PDE4DIP: variants seen among roughly 807,000 people sequenced by gnomAD.
The protein encoded by PDE4DIP is phosphodiesterase 4D interacting protein.
Under a neutral mutation model 221.4 loss-of-function variants are expected in PDE4DIP, and 59 were observed. The observed-to-expected ratio is 0.27, with a 90% CI of 0.22 to 0.33. The LOEUF is 0.33. Among genes scored for constraint, PDE4DIP ranks in the 10% least tolerant of loss-of-function variants. The pLI is 1.00. For missense variants in PDE4DIP, 1,036 were observed against 2,154.2 expected (o/e 0.48, Z 10.28); for synonymous variants, 404 against 815.9 (o/e 0.50, Z 8.60).
intron 1 of PDE4DIP, among the ~76,000 whole-genome samples, chr1:148,923,429 G>A (rs2045940547): frequency 6.7e-6 from 1 of 148,994 alleles, no homozygotes; most frequent in Admixed American, 6.7e-5. Flanking sequence ...AGAGGTGAGA[G>A]ACACTGCGAG....
At chr1:149,016,379 T>C (rs782212961) in exon 33 of PDE4DIP, 15 of 1,244,966 alleles carry the variant, frequency 1.2e-5, no homozygotes, top group Non-Finnish European at 1.6e-5. Flanking sequence ...CTACCTCAAC[T>C]CTGCCCAGCC....
intron 42 of PDE4DIP, 145 bp from the exon 46 acceptor site, chr1:149,030,087 G>C: frequency 1.0e-6 from 1 of 997,534 alleles, no homozygotes. Context: ...TGGCTGCAGA[G>C]GGAGGGGAGG....
intron 21 of PDE4DIP, chr1:148,985,903 T>C (rs1274797516): frequency 3.9e-5 from 6 of 152,216 alleles, no homozygotes; most frequent in African/African-American, 1.2e-4. Flanking sequence ...TTTTAGTATA[T>C]AACATGAATA....
chr1:148,952,384 C>T (rs1165744637), intron 5 of PDE4DIP: 7 of 1,078,212 alleles, frequency 6.5e-6, no homozygotes, highest in African/African-American at 1.6e-5. Context: ...GATCCTCCAT[C>T]CCCGAGGCTT....
At chr1:148,997,993 C>G (rs587611659) in intron 22 of PDE4DIP, 150 bp from the exon 26 acceptor site, 3 of 492,250 alleles carry the variant, frequency 6.1e-6, no homozygotes, top group African/African-American at 3.9e-5. Context: ...GGCCCTTATG[C>G]CTGACTAAGG....
At chr1:148,870,853 C>T (rs2442647) in intron 3 of PDE4DIP, among the ~76,000 whole-genome samples, 4 of 146,168 alleles carry the variant, frequency 2.7e-5, no homozygotes, top group Middle Eastern at 3.6e-3. Context: ...CATTCCTATG[C>T]CCTACCCTAA....
chr1:148,983,265 A>G (rs1309151417), intron 21 of PDE4DIP: 1 of 152,114 alleles, frequency 6.6e-6, no homozygotes, highest in Non-Finnish European at 1.5e-5. Flanking sequence ...ATCTTTCCTT[A>G]ATTTTACTAA....
At chr1:148,963,748 C>CTTTTTTTTTTTTTTTTTT (rs66921099) in intron 9 of PDE4DIP, among the ~76,000 whole-genome samples, 4 of 89,162 alleles carry the variant, frequency 4.5e-5, no homozygotes, top group African/African-American at 4.7e-5. Flanking sequence ...TTCTTTCCTT[C>CTTTTTTTTTTTTTTTTTT]TTTTTTTTTT....
At chr1:148,859,642 G>C (rs1553398647) in intron 1 of PDE4DIP, among the ~76,000 whole-genome samples, 1 of 149,296 alleles carries the variant, frequency 6.7e-6, no homozygotes, top group Non-Finnish European at 1.5e-5. Flanking sequence ...AAGTGGCCTG[G>C]CGAACCACAT....
chr1:149,032,443 C>T (rs1316619994), exon 44 of PDE4DIP: 4 of 419,608 alleles, frequency 9.5e-6, no homozygotes, highest in Non-Finnish European at 1.8e-5. Flanking sequence ...AAGCACACTA[C>T]TGAGCAGCGG....
chr1:149,030,668 C>G (rs373434464), intron 43 of PDE4DIP: 2 of 861,162 alleles, frequency 2.3e-6, no homozygotes, highest in Admixed American at 6.2e-5. Context: ...GTGTTCTACT[C>G]TTCATGAAAA....
rs2075756516 is a variant in PDE4DIP at position 149,028,294 on chromosome 1, C to T, written c.6670-266C>T. ...GTGAGAGCTCCAATACAAATGTGGT[C>T]ATTTATCTCAGGCAAGGAAGGTAAC... is the stretch of plus-strand genomic sequence containing the variant. On this transcript the variant is annotated intron_variant, in intron 40 of 43. Coordinates refer to ENST00000369354, the Ensembl canonical transcript of PDE4DIP. 2.0e-5 allele frequency among the ~76,000 whole-genome samples: 3 copies of T among 147,394 alleles called. No homozygotes were observed. The South Asian group carries it at 6.7e-4, about 33-fold the overall frequency.
At chr1:149,011,129 CAGTT>C (rs1553605082) in intron 31 of PDE4DIP, among the ~76,000 whole-genome samples, 1 of 151,644 alleles carries the variant, frequency 6.6e-6, no homozygotes, top group Non-Finnish European at 1.5e-5. Flanking sequence ...ATCTTGGGGG[CAGTT>C]AAAGGGGTGC....
intron 1 of PDE4DIP, among the ~76,000 whole-genome samples, chr1:148,905,190 T>G (rs1182467705): frequency 6.8e-6 from 1 of 146,220 alleles, no homozygotes; most frequent in South Asian, 2.2e-4. Flanking sequence ...TTTTTTTTTT[T>G]TTTTTTTTTT....
chr1:148,920,149 A>T (rs521257), intron 1 of PDE4DIP, among the ~76,000 whole-genome samples: 1 of 149,844 alleles, frequency 6.7e-6, no homozygotes, highest in Non-Finnish European at 1.5e-5. Flanking sequence ...TTATTTATTT[A>T]TTTGAGATGG....
intron 30 of PDE4DIP, 146 bp downstream of exon 33, chr1:149,009,937 A>G: frequency 1.4e-6 from 1 of 695,508 alleles, no homozygotes; most frequent in Non-Finnish European, 2.6e-6. Flanking sequence ...GTGGATCAGG[A>G]TCTTTGCTCT....
At chr1:148,980,791 TAG>T (rs1553541951) in intron 20 of PDE4DIP, among the ~76,000 whole-genome samples, 2 of 152,198 alleles carry the variant, frequency 1.3e-5, no homozygotes, top group African/African-American at 2.4e-5. Context: ...TCTGGAGCTT[TAG>T]TTTTTATGAA....
In PDE4DIP at chr1:148,946,241, TC is replaced by T. The variant is rs1322440318; in HGVS notation, c.636+8378del. ...CAAGGGAATGCTAAGGGCTTAACCA[TC>T]AGATTAGAAAAGAGGGAAGCAGAGG... On this transcript the variant is annotated intron_variant, in intron 5 of 43. Transcript: ENST00000369354. Among the ~76,000 whole-genome samples, 15 of 146,206 alleles carry T rather than the reference TC, an allele frequency of 1.0e-4. No individual in the cohort carries two copies. In the East Asian group the frequency reaches 2.9e-3, roughly 28 times the overall value.
At chr1:148,985,014 G>A (rs2061671562) in intron 21 of PDE4DIP, 1 of 152,130 alleles carries the variant, frequency 6.6e-6, no homozygotes, top group South Asian at 2.1e-4. Context: ...CAAACTTCCT[G>A]TGAAGTTAGG....
Sources: gnomAD v4.1 joint callset for allele counts (sites outside exome capture counted in the v4.1 genomes callset) on GRCh38, gnomAD v4.1.1 for gene constraint, MANE v1.5 for transcripts, NCBI Gene and HGNC (gene_info 2026-07-23, HGNC 2026-07-21) for gene names.